The following UFD1 variants were observed in gnomAD, a reference collection of about 807,000 sequenced individuals.
The protein encoded by UFD1 is ubiquitin recognition factor in ER-associated degradation protein 1.
Under a neutral mutation model 45.9 loss-of-function variants are expected in UFD1, and 13 were observed. The observed-to-expected ratio is 0.28, with a 90% CI of 0.18 to 0.45. UFD1 has a LOEUF of 0.45. UFD1 is among the 20% of genes least tolerant of loss of function. The pLI, the probability that UFD1 is intolerant of heterozygous loss-of-function variation, is 1.00. For synonymous variants in UFD1, 128 were observed against 139.2 expected (o/e 0.92, Z 0.56); for missense variants, 218 against 389.2 (o/e 0.56, Z 3.70).
intron 11 of UFD1, chr22:19,454,107 A>C: frequency 1.0e-6 from 1 of 985,716 alleles, no homozygotes; most frequent in African/African-American, 1.7e-5. Flanking sequence ...CTCTGTTGGA[A>C]GACGAAGCCC....
intron 11 of UFD1, chr22:19,452,488 G>C (rs1467856617): frequency 6.6e-6 from 1 of 152,090 alleles, no homozygotes; most frequent in Non-Finnish European, 1.5e-5. Flanking sequence ...TGAGTATATT[G>C]CTCCACTATC....
At chr22:19,479,036 G>A (rs368420547) in intron 1 of UFD1, 47 bp downstream of exon 1, 7 of 1,589,082 alleles carry the variant, frequency 4.4e-6, no homozygotes, top group Middle Eastern at 1.8e-4. Context: ...CCTACCTCAG[G>A]CCCCGGGCCA....
chr22:19,451,907 A>G (rs1321928243), intron 11 of UFD1: 2 of 985,296 alleles, frequency 2.0e-6, no homozygotes, highest in East Asian at 1.1e-4. Context: ...GGTGCCGTAC[A>G]TGTTAGTGGG....
intron 3 of UFD1, among the ~76,000 whole-genome samples, chr22:19,474,284 C>T (rs551115711): frequency 3.7e-4 from 56 of 152,260 alleles, no homozygotes; most frequent in African/African-American, 1.2e-3. Context: ...GTGGTTCACG[C>T]CTATAATCCC....
intron 4 of UFD1, 62 bp downstream of exon 4, chr22:19,471,609 CAGGGCCAGGACTCTCG>C: frequency 6.4e-7 from 1 of 1,564,704 alleles, no homozygotes; most frequent in Non-Finnish European, 8.6e-7. Flanking sequence ...CCACCTGCTC[CAGGGCCAGGACTCTCG>C]AGTGCAGGAG....
At position 19,450,440 on chromosome 22, in the gene UFD1, C is replaced by A. The variant is rs1396296962; in HGVS notation, c.*230G>T. The A allele has an allele frequency of 3.7e-6, 2 of 538,944 alleles. No individual in the cohort carries two copies. Among genetic ancestry groups the A allele is most frequent in the African/African-American group, 3.8e-5 (2 of 52,432 alleles). 33.4% of individuals were successfully genotyped at this position (538,944 alleles called of 1,614,324 possible). Reference sequence around the variant, plus strand: ...CGTGAAGAGGTGAGGAGGCAGCTATCTACAGGCCCTCAGGGACAGCTCTTT... The same window carrying A: ...CGTGAAGAGGTGAGGAGGCAGCTATATACAGGCCCTCAGGGACAGCTCTTT... On this transcript the variant is annotated 3_prime_UTR_variant, in exon 12 of 12. Transcript: ENST00000263202.
rs2089874672 is a variant in UFD1, at chr22:19,475,489, A to G, written c.117T>C (p.Asp39=). 36 of 1,613,924 alleles carry G rather than the reference A, an allele frequency of 2.2e-5. No homozygotes were observed. Among genetic ancestry groups the G allele is most frequent in the Non-Finnish European group, 3.0e-5 (35 of 1,179,960 alleles). ...SMLAGPNDRS[D]VEKGGKIIMP... ...ACATACTCTTCCCTCCTTTCTCCACATCTGACCTGTCATTAGGCCCTGCTA... is the reference window on the plus strand; with the variant it reads ...ACATACTCTTCCCTCCTTTCTCCACGTCTGACCTGTCATTAGGCCCTGCTA... Residue 39 remains aspartate, a synonymous_variant, in exon 2 of 12, where the codon GAT becomes GAC. Coordinates refer to ENST00000263202, the MANE Select transcript of UFD1 (RefSeq NM_005659.7).
At chr22:19,451,085 C>T in intron 11 of UFD1, 1 of 1,002,048 alleles carries the variant, frequency 1.0e-6, no homozygotes, top group Non-Finnish European at 1.2e-6. Context: ...ACTGCTCCAG[C>T]CTGGATGGCA....
intron 11 of UFD1, chr22:19,451,171 T>G (rs1159098207): frequency 1.7e-5 from 17 of 988,012 alleles, no homozygotes; most frequent in Non-Finnish European, 1.9e-5. Context: ...CAAAAACATT[T>G]CAGGTCACTT....
intron 1 of UFD1, among the ~76,000 whole-genome samples, chr22:19,476,618 G>T (rs977409320): frequency 8.1e-5 from 11 of 135,832 alleles, no homozygotes; most frequent in African/African-American, 2.8e-4. Flanking sequence ...AACATCCCCA[G>T]TGGACGCCTG....
chr22:19,468,701 T>C (rs1281904230), intron 4 of UFD1, among the ~76,000 whole-genome samples: 2 of 152,020 alleles, frequency 1.3e-5, no homozygotes, highest in Non-Finnish European at 2.9e-5. Context: ...TATACATCAG[T>C]AGAAAGAGCC....
Position 19,456,649 on chromosome 22 carries a change from G to T in UFD1, c.631-15C>A. 6.2e-7 allele frequency: 1 copy of T among 1,614,164 alleles called. No homozygotes were observed. ...GCTTCACCTTCCTGACAGGGAAAAA[G>T]AAAAACAGGTGAGCTCCTCAGCGGG... On this transcript the variant is annotated splice_polypyrimidine_tract_variant and intron_variant, in intron 8 of 11. Transcript: ENST00000263202.
intron 11 of UFD1, chr22:19,450,984 C>G: frequency 8.5e-7 from 1 of 1,181,512 alleles, no homozygotes; most frequent in Non-Finnish European, 1.1e-6. Context: ...AAAAATAGCT[C>G]AGTGTGGTAT....
intron 1 of UFD1, among the ~76,000 whole-genome samples, chr22:19,478,077 A>G (rs1028506885): frequency 2.6e-5 from 4 of 152,176 alleles, no homozygotes; most frequent in Admixed American, 2.6e-4. Flanking sequence ...CTCTTTGAAT[A>G]TAAAAGGTAA....
intron 6 of UFD1, among the ~76,000 whole-genome samples, chr22:19,460,776 T>A (rs1433719535): frequency 6.6e-6 from 1 of 151,216 alleles, no homozygotes; most frequent in African/African-American, 2.4e-5. Flanking sequence ...TTTTTTTCCC[T>A]TGAGGCAGGG....
intron 6 of UFD1, among the ~76,000 whole-genome samples, chr22:19,458,643 A>G (rs1424907336): frequency 6.6e-6 from 1 of 152,140 alleles, no homozygotes; most frequent in East Asian, 1.9e-4. Flanking sequence ...GGGTTTCACC[A>G]TGTTGGCCAG....
In UFD1 at chr22:19,460,089, T is replaced by TA. The variant is rs113267791; in HGVS notation, c.496-1951dup. On this transcript the variant is annotated intron_variant, in intron 6 of 11. Transcript: ENST00000263202. ...AAAAAGTCTGGATAGTCCCACCATT[T>TA]AAAAAAAAAACCTAAGCAGGGCCAA... Among the ~76,000 whole-genome samples the TA allele has an allele frequency of 3.0e-3, 444 of 148,632 alleles. 6 individuals are homozygous for TA. The highest frequency in any genetic ancestry group is 0.011 in the Middle Eastern group (3 of 284).
intron 7 of UFD1, 53 bp downstream of exon 7, chr22:19,458,018 A>C (rs1054051148): frequency 6.9e-6 from 11 of 1,604,502 alleles, no homozygotes; most frequent in Non-Finnish European, 3.4e-6. Context: ...GTGGTCACCA[A>C]CTGCCCATCC....
At chr22:19,451,153 T>TC in intron 11 of UFD1, 1 of 987,554 alleles carries the variant, frequency 1.0e-6, no homozygotes. Context: ...GTCTGTAAGT[T>TC]CATCACCCAA....
Sources: gnomAD v4.1 joint callset for allele counts (sites outside exome capture counted in the v4.1 genomes callset) on GRCh38, gnomAD v4.1.1 for gene constraint, MANE v1.5 for transcripts, NCBI Gene and HGNC (gene_info 2026-07-23, HGNC 2026-07-21) for gene names.